KANK1: variants seen among roughly 807,000 people sequenced by gnomAD.
The protein encoded by KANK1 is KN motif and ankyrin repeat domains 1.
A neutral mutation model predicts 106.2 loss-of-function variants in KANK1; 109 were observed. That is an observed-to-expected ratio of 1.03 (90% CI 0.88 to 1.20). The LOEUF is 1.20. KANK1 is among the 50% of genes most tolerant of loss of function. The pLI is 0.00. For synonymous variants in KANK1, 873 were observed against 652.2 expected (o/e 1.34, Z -5.16); for missense variants, 2,399 against 1,710.7 (o/e 1.40, Z -7.10).
chr9:676,705 A>T (rs1428031992), intron 1 of KANK1, among the ~76,000 whole-genome samples, 185 bp from the exon 2 acceptor site: 1 of 152,200 alleles, frequency 6.6e-6, no homozygotes, highest in Non-Finnish European at 1.5e-5. Context: ...AGCCACTGGT[A>T]CATCCGTGGG....
upstream of KANK1, among the ~76,000 whole-genome samples, chr9:502,880 A>G (rs1310423516): frequency 6.6e-6 from 1 of 152,000 alleles, no homozygotes; most frequent in African/African-American, 2.4e-5. Context: ...TGTAGCCTGG[A>G]CTAGAATGCA....
At chr9:541,650 A>G (rs1393725338) in intron 1 of KANK1, among the ~76,000 whole-genome samples, 2 of 152,238 alleles carry the variant, frequency 1.3e-5, no homozygotes, top group Non-Finnish European at 2.9e-5. Context: ...AATTCTGCAT[A>G]GAAAAGGAAA....
intron 1 of KANK1, among the ~76,000 whole-genome samples, chr9:588,296 C>T (rs537220840): frequency 2.3e-4 from 35 of 152,264 alleles, no homozygotes; most frequent in East Asian, 1.9e-3. Context: ...TCTATCCCAT[C>T]TCCTTTTATT....
intron 1 of KANK1, among the ~76,000 whole-genome samples, chr9:563,598 C>T (rs1345632078): frequency 6.6e-6 from 1 of 152,140 alleles, no homozygotes; most frequent in African/African-American, 2.4e-5. Flanking sequence ...ATGTGTGTGT[C>T]TATATTTTCA....
intron 5 of KANK1, chr9:731,549 T>G: frequency 4.2e-6 from 1 of 239,814 alleles, no homozygotes; most frequent in Admixed American, 5.4e-5. Context: ...GCAGGGTTCC[T>G]GCACTGTGTT....
intron 1 of KANK1, among the ~76,000 whole-genome samples, chr9:533,205 A>AC (rs1391130066): frequency 6.6e-6 from 1 of 152,176 alleles, no homozygotes; most frequent in Non-Finnish European, 1.5e-5. Context: ...AATTCATTGA[A>AC]CCCCAAGGGC....
chr9:530,599 C>G (rs1394011323), intron 1 of KANK1, among the ~76,000 whole-genome samples: 1 of 152,110 alleles, frequency 6.6e-6, no homozygotes, highest in Non-Finnish European at 1.5e-5. Flanking sequence ...TGACACTATT[C>G]TAATTGTTAA....
At position 617,493 on chromosome 9, in the gene KANK1, G is replaced by A. The variant is rs555799839; in HGVS notation, c.-83-59397G>A. On this transcript the variant is annotated intron_variant, in intron 1 of 11. Transcript: ENST00000382297. ...TTACTTTTGCTGTCTGGCCAAAGAG[G>A]TTCAGGACCCTGGAGCTTTGTTCTT... 2.0e-5 allele frequency among the ~76,000 whole-genome samples: 3 copies of A among 152,234 alleles called. No homozygotes were observed. In the South Asian group the frequency reaches 6.2e-4, roughly 32 times the overall value.
chr9:727,322 A>ATT (rs113811286), intron 3 of KANK1, among the ~76,000 whole-genome samples: 4 of 147,852 alleles, frequency 2.7e-5, no homozygotes, highest in African/African-American at 7.4e-5. Flanking sequence ...ATCCAAGGAA[A>ATT]TTTTTTTTTT....
intron 1 of KANK1, among the ~76,000 whole-genome samples, chr9:538,187 A>G (rs1587620637): frequency 6.6e-6 from 1 of 152,250 alleles, no homozygotes; most frequent in East Asian, 1.9e-4. Context: ...GTAAAAAAAA[A>G]AAAGTTAATA....
At chr9:494,057 AT>A (rs1389117269) in intron 3 of KANK1, among the ~76,000 whole-genome samples, 1 of 149,028 alleles carries the variant, frequency 6.7e-6, no homozygotes, top group African/African-American at 2.5e-5. Context: ...TAATTTTTGT[AT>A]TTTTAGTAGA....
chr9:550,079 G>A (rs16919430), intron 1 of KANK1, among the ~76,000 whole-genome samples: 15,504 of 152,074 alleles, frequency 0.1, 1,634 homozygotes, highest in East Asian at 0.29. Flanking sequence ...GTCAGCAGTC[G>A]CAACACCACT....
chr9:669,032 C>T (rs1378295780), intron 1 of KANK1, among the ~76,000 whole-genome samples: 1 of 152,022 alleles, frequency 6.6e-6, no homozygotes, highest in African/African-American at 2.4e-5. Flanking sequence ...GTTGGAGATC[C>T]CTGTCTTAGA....
chr9:609,959 A>G (rs1383212779), intron 1 of KANK1, among the ~76,000 whole-genome samples: 2 of 152,110 alleles, frequency 1.3e-5, no homozygotes, highest in African/African-American at 4.8e-5. Flanking sequence ...TTTATTTGGA[A>G]TGCTTGTTTT....
At chr9:582,813 T>C (rs1822506560) in intron 1 of KANK1, among the ~76,000 whole-genome samples, 1 of 152,230 alleles carries the variant, frequency 6.6e-6, no homozygotes, top group Non-Finnish European at 1.5e-5. Flanking sequence ...TACAGCACAG[T>C]GTGCTTTGCC....
intron 1 of KANK1, among the ~76,000 whole-genome samples, chr9:641,478 A>G (rs939907735): frequency 2.0e-5 from 3 of 152,302 alleles, no homozygotes; most frequent in South Asian, 4.1e-4. Context: ...GGCTAAGATC[A>G]TCTCCACCAC....
rs60145502 is a variant in KANK1, at chr9:718,298, C to CTTTTT, written c.2698+4856_2698+4860dup. On this transcript the variant is annotated intron_variant, in intron 3 of 11. Coordinates refer to ENST00000382297, the MANE Select transcript of KANK1 (RefSeq NM_015158.5). ...TGGCTGTGTAGGTAACTTGCTGTGT[C>CTTTTT]TTTTTTTTTTTTTTTTTTTTTTTTT... Among the ~76,000 whole-genome samples the CTTTTT allele has an allele frequency of 5.4e-4, 40 of 74,122 alleles. 2 individuals carry two copies. The highest frequency in any genetic ancestry group is 8.0e-4 in the Non-Finnish European group (33 of 41,148). 48.6% of individuals were successfully genotyped at this position (74,122 alleles called of 152,430 possible).
chr9:504,316 T>C (rs1198956292), upstream of KANK1, among the ~76,000 whole-genome samples: 1 of 151,698 alleles, frequency 6.6e-6, no homozygotes, highest in African/African-American at 2.4e-5. Flanking sequence ...GAAGTTCTTC[T>C]GCTTAGTTCT....
chr9:662,313 T>C (rs1167930939), intron 1 of KANK1, among the ~76,000 whole-genome samples: 2 of 152,102 alleles, frequency 1.3e-5, no homozygotes, highest in African/African-American at 4.8e-5. Flanking sequence ...CTTCACAAAA[T>C]TGGGAAAAAC....
Sources: gnomAD v4.1 joint callset for allele counts (sites outside exome capture counted in the v4.1 genomes callset) on GRCh38, gnomAD v4.1.1 for gene constraint, MANE v1.5 for transcripts, NCBI Gene and HGNC (gene_info 2026-07-23, HGNC 2026-07-21) for gene names.